DOCK9: variants seen among roughly 807,000 people sequenced by gnomAD.
The protein encoded by DOCK9 is dedicator of cytokinesis 9, also known as dedicator of cytokinesis protein 9.
DOCK9 carries 89 observed loss-of-function variants against 263.3 expected under a neutral mutation model. The ratio of observed to expected loss-of-function variants is 0.34; its 90% CI spans 0.28 to 0.40. The LOEUF is 0.40. Among genes scored for constraint, DOCK9 ranks in the 10% least tolerant of loss-of-function variants. The pLI, the probability that DOCK9 is intolerant of heterozygous loss-of-function variation, is 1.00. For missense variants in DOCK9, 2,140 were observed against 2,603.4 expected (o/e 0.82, Z 3.87); for synonymous variants, 976 against 973.1 (o/e 1.00, Z -0.06).
chr13:98,853,613 T>A (rs556128209), intron 34 of DOCK9, 91 bp from the exon 35 acceptor site: 1 of 917,430 alleles, frequency 1.1e-6, no homozygotes, highest in South Asian at 1.5e-5. Context: ...ACTCTTAGAA[T>A]CAAGTCAGAT....
At chr13:99,057,085 T>C (rs1725386901) in intron 1 of DOCK9, among the ~76,000 whole-genome samples, 1 of 152,130 alleles carries the variant, frequency 6.6e-6, no homozygotes, top group Non-Finnish European at 1.5e-5. Flanking sequence ...CCAAAAACTC[T>C]AGAGAGCAGC....
At position 98,994,179 on chromosome 13, in the gene DOCK9, C is replaced by G. The variant is rs77131929; in HGVS notation, c.130-38628G>C. Among the ~76,000 whole-genome samples, 145 of 152,362 alleles carry G rather than the reference C, an allele frequency of 9.5e-4. 1 individual carries two copies. In the East Asian group the frequency reaches 0.012, roughly 13 times the overall value. On this transcript the variant is annotated intron_variant, in intron 1 of 32. Transcript: ENST00000427887. ...GAAGGGCTGTTGGCGTGAGTCCCAA[C>G]AGAAGCTGGGGTGCCTACCATCTCC...
chr13:98,811,198 G>A (rs1254096033), intron 45 of DOCK9, among the ~76,000 whole-genome samples: 1 of 152,174 alleles, frequency 6.6e-6, no homozygotes, highest in African/African-American at 2.4e-5. Flanking sequence ...GATCTCTAAT[G>A]TTTAAGCCCA....
chr13:98,839,008 A>G (rs1433776723), intron 38 of DOCK9, among the ~76,000 whole-genome samples: 1 of 152,242 alleles, frequency 6.6e-6, no homozygotes, highest in East Asian at 1.9e-4. Flanking sequence ...ATTCTGACTC[A>G]AATGTCAGAA....
chr13:98,958,615 C>T (rs1307446455), intron 1 of DOCK9, among the ~76,000 whole-genome samples: 1 of 152,220 alleles, frequency 6.6e-6, no homozygotes, highest in Non-Finnish European at 1.5e-5. Flanking sequence ...TACAATAAAA[C>T]TTTATTTATA....
intron 45 of DOCK9, among the ~76,000 whole-genome samples, chr13:98,813,187 A>C (rs1288705172): frequency 2.0e-5 from 3 of 152,182 alleles, no homozygotes; most frequent in Non-Finnish European, 4.4e-5. Flanking sequence ...ACTATGTCTT[A>C]TGTGAATATG....
intron 1 of DOCK9, among the ~76,000 whole-genome samples, chr13:98,988,518 C>T (rs75441471): frequency 0.022 from 3,401 of 152,226 alleles, 56 homozygotes; most frequent in Non-Finnish European, 0.035. Context: ...AGAGCTGTCA[C>T]GTGGCAGAAC....
intron 27 of DOCK9, among the ~76,000 whole-genome samples, chr13:98,878,805 C>T (rs1174882121): frequency 1.3e-5 from 2 of 152,216 alleles, no homozygotes; most frequent in Admixed American, 1.3e-4. Flanking sequence ...GGGCTTTAGG[C>T]CTGAACCATC....
chr13:99,008,234 A>ATATATATTTTT (rs1233268084), intron 1 of DOCK9, among the ~76,000 whole-genome samples: 2 of 94,094 alleles, frequency 2.1e-5, no homozygotes, highest in African/African-American at 4.4e-5. Flanking sequence ...ATATATATAT[A>ATATATATTTTT]TTTTTTTTTT....
chr13:99,084,448 C>G (rs540313552), intron 1 of DOCK9, among the ~76,000 whole-genome samples: 1 of 152,198 alleles, frequency 6.6e-6, no homozygotes, highest in Admixed American at 6.5e-5. Context: ...AAGACAACAG[C>G]CGGGCATCTG....
chr13:98,921,694 G>A (rs2052019965), intron 6 of DOCK9, among the ~76,000 whole-genome samples: 1 of 152,154 alleles, frequency 6.6e-6, no homozygotes, highest in Non-Finnish European at 1.5e-5. Flanking sequence ...CTTTGCTGCA[G>A]TACACCTCCA....
At chr13:99,075,679 T>C (rs1006973485) in intron 1 of DOCK9, among the ~76,000 whole-genome samples, 1 of 113,590 alleles carries the variant, frequency 8.8e-6, no homozygotes, top group Non-Finnish European at 1.9e-5. Context: ...GCACTATTTA[T>C]AACTTTTTTT....
chr13:99,038,286 CCCTTTTTTTTTTTTTTT>C (rs1888101729), intron 1 of DOCK9, among the ~76,000 whole-genome samples: 2 of 75,846 alleles, frequency 2.6e-5, no homozygotes, highest in Admixed American at 3.0e-4. Flanking sequence ...CTTTATGCCC[CCCTTTTTTTTTTTTTTT>C]TTTTTTTTTT....
intron 1 of DOCK9, among the ~76,000 whole-genome samples, chr13:99,049,902 TGA>T (rs2040607562): frequency 6.6e-6 from 1 of 152,204 alleles, no homozygotes; most frequent in Non-Finnish European, 1.5e-5. Flanking sequence ...CATTAGGAAA[TGA>T]TTGATCTTTC....
At chr13:98,931,758 C>T (rs1196119354) in intron 2 of DOCK9, among the ~76,000 whole-genome samples, 10 of 152,088 alleles carry the variant, frequency 6.6e-5, no homozygotes, top group East Asian at 1.9e-4. Context: ...CCACCACACC[C>T]GCCTAATTTT....
rs2046537368 is a variant in DOCK9, at chr13:98,891,028, G to C, written c.1710-2317C>G. Among the ~76,000 whole-genome samples, 4 of 152,266 alleles carry C rather than the reference G, an allele frequency of 2.6e-5. No individual in the cohort carries two copies. The South Asian group carries it at 8.3e-4, about 32-fold the overall frequency. ...TCTGGCCAAGAGCTCTCCAGGTACAGCCAAGCACTCCCCTACAGTTTGCCC... is the reference window on the plus strand; with the variant it reads ...TCTGGCCAAGAGCTCTCCAGGTACACCCAAGCACTCCCCTACAGTTTGCCC... On this transcript the variant is annotated intron_variant, in intron 15 of 52. Transcript: ENST00000682017.
rs1436541416 is a variant in DOCK9, at chr13:98,975,383, T to C, written c.126+2401A>G. Reference sequence around the variant, plus strand: ...TCTCAAAAAAAAAAAAAGGCATAAATCCACATATGGTGACAAAAGATGTTA... The same window carrying C: ...TCTCAAAAAAAAAAAAAGGCATAAACCCACATATGGTGACAAAAGATGTTA... On this transcript the variant is annotated intron_variant, in intron 1 of 52. Coordinates refer to ENST00000682017, the MANE Select transcript of DOCK9 (RefSeq NM_001366683.2). Among the ~76,000 whole-genome samples, 2 of 147,258 alleles carry C rather than the reference T, an allele frequency of 1.4e-5. 1 individual carries two copies. Among genetic ancestry groups the C allele is most frequent in the African/African-American group, 5.0e-5 (2 of 39,834 alleles).
At chr13:99,054,817 C>A (rs1399821652) in intron 1 of DOCK9, among the ~76,000 whole-genome samples, 1 of 152,176 alleles carries the variant, frequency 6.6e-6, no homozygotes, top group Non-Finnish European at 1.5e-5. Context: ...GAACCTTATA[C>A]CACCTTCCAT....
chr13:99,007,704 A>G (rs1026637114), intron 1 of DOCK9, among the ~76,000 whole-genome samples: 2 of 152,228 alleles, frequency 1.3e-5, no homozygotes, highest in African/African-American at 4.8e-5. Flanking sequence ...GCAGAGGCAA[A>G]ATTAGTGCTA....
Sources: allele counts gnomAD v4.1 joint callset (sites outside exome capture counted in the v4.1 genomes callset), GRCh38; gene constraint gnomAD v4.1.1; transcripts MANE v1.5; gene names NCBI Gene and HGNC (gene_info 2026-07-23, HGNC 2026-07-21).